Variants in KAT6B observed in about 807,000 individuals in gnomAD.
The protein encoded by KAT6B is histone acetyltransferase KAT6B.
Under a neutral mutation model 187.5 loss-of-function variants are expected in KAT6B, and 10 were observed. The ratio of observed to expected loss-of-function variants is 0.05; its 90% CI spans 0.03 to 0.09. The LOEUF is 0.09. KAT6B is among the 10% of genes least tolerant of loss of function. KAT6B has a pLI of 1.00. For synonymous variants in KAT6B, 861 were observed against 926.8 expected (o/e 0.93, Z 1.29); for missense variants, 1,952 against 2,558.9 (o/e 0.76, Z 5.12).
At chr10:74,879,090 G>A (rs1844655429) in intron 3 of KAT6B, among the ~76,000 whole-genome samples, 1 of 152,210 alleles carries the variant, frequency 6.6e-6, no homozygotes, top group African/African-American at 2.4e-5. Context: ...AGTCTGGGAT[G>A]TCAAGAAAGT....
At chr10:74,872,508 T>G (rs535280005) in intron 3 of KAT6B, among the ~76,000 whole-genome samples, 1 of 152,158 alleles carries the variant, frequency 6.6e-6, no homozygotes, top group South Asian at 2.1e-4. Context: ...CCCGAGTAGG[T>G]GGGACTACAG....
At chr10:74,858,005 T>G (rs1842923818) in intron 3 of KAT6B, among the ~76,000 whole-genome samples, 1 of 151,858 alleles carries the variant, frequency 6.6e-6, no homozygotes, top group African/African-American at 2.4e-5. Flanking sequence ...CCTGGGCGAC[T>G]GAGCAGGACT....
In KAT6B at chr10:74,843,334, T is replaced by C. The variant is rs1025323349; in HGVS notation, c.477T>C (p.Ala159=). The C allele has an allele frequency of 1.9e-6, 3 of 1,613,396 alleles. No homozygotes were observed. The East Asian group carries it at 6.7e-5, about 36-fold the overall frequency. ...QQRLRLGAKR[A]VNNGRLLKDG... ...GGCTGCGACTGGGGGCCAAACGCGC[T>C]GTGAATAATGGGAGGTTACTGAAAG... The change falls in exon 3 of 18, where the codon GCT becomes GCC. Residue 159 remains alanine, a synonymous_variant. Transcript: ENST00000287239.
intron 4 of KAT6B, among the ~76,000 whole-genome samples, chr10:74,962,962 A>G (rs923831995): frequency 6.6e-6 from 1 of 152,072 alleles, no homozygotes; most frequent in East Asian, 1.9e-4. Flanking sequence ...CCTGGGTTCC[A>G]GTTCTCTTCC....
intron 3 of KAT6B, among the ~76,000 whole-genome samples, chr10:74,934,638 T>C (rs1849113612): frequency 6.6e-6 from 1 of 152,144 alleles, no homozygotes; most frequent in African/African-American, 2.4e-5. Context: ...TCTCCCTCCA[T>C]TCATTCATTT....
intron 3 of KAT6B, among the ~76,000 whole-genome samples, chr10:74,892,464 A>G (rs1384405889): frequency 1.3e-5 from 2 of 152,194 alleles, no homozygotes; most frequent in African/African-American, 2.4e-5. Context: ...CAGTGTTACT[A>G]TAGGTGGACT....
chr10:74,865,070 C>T lies in KAT6B; in HGVS notation c.621+21592C>T, dbSNP rs112105302. Among the ~76,000 whole-genome samples, 11 of 152,222 alleles carry T rather than the reference C, an allele frequency of 7.2e-5. 1 individual carries two copies. The highest frequency in any genetic ancestry group is 2.6e-4 in the African/African-American group (11 of 41,546). On this transcript the variant is annotated intron_variant, in intron 3 of 17. Transcript: ENST00000287239. ...ACACAAACTCCCTGAGTCTCACTTA[C>T]CTTATCTGTAAAATGGGAAGGATTA...
intron 9 of KAT6B, among the ~76,000 whole-genome samples, chr10:74,978,461 C>T (rs188857098): frequency 1.6e-3 from 244 of 152,294 alleles, no homozygotes; most frequent in Non-Finnish European, 2.6e-3. Context: ...AAAAAAGATT[C>T]GAAGTCCTTA....
At chr10:74,853,446 ACTACACCCAG>A (rs1220784079) in intron 3 of KAT6B, among the ~76,000 whole-genome samples, 1 of 151,298 alleles carries the variant, frequency 6.6e-6, no homozygotes, top group Admixed American at 6.6e-5. Context: ...GGCACACACC[ACTACACCCAG>A]CTAATTTTTG....
At chr10:74,929,363 A>G (rs1281569739) in intron 3 of KAT6B, among the ~76,000 whole-genome samples, 1 of 152,200 alleles carries the variant, frequency 6.6e-6, no homozygotes, top group Non-Finnish European at 1.5e-5. Flanking sequence ...TCTACCCTGT[A>G]TTACAGATGC....
At chr10:74,937,582 T>C (rs1432346101) in intron 3 of KAT6B, among the ~76,000 whole-genome samples, 2 of 152,208 alleles carry the variant, frequency 1.3e-5, no homozygotes, top group Non-Finnish European at 2.9e-5. Context: ...TGACCTCCAT[T>C]ACTAATATTA....
chr10:74,975,234 C>T (rs933665896), intron 7 of KAT6B, among the ~76,000 whole-genome samples, 165 bp from the exon 8 acceptor site: 4 of 152,144 alleles, frequency 2.6e-5, no homozygotes, highest in African/African-American at 9.7e-5. Context: ...AATGCAGTTG[C>T]TGCTGCCTTT....
chr10:74,836,394 C>T (rs879371704), intron 1 of KAT6B, among the ~76,000 whole-genome samples: 1 of 152,224 alleles, frequency 6.6e-6, no homozygotes, highest in Non-Finnish European at 1.5e-5. Context: ...AACCGCCAAA[C>T]AGTGCTTTGC....
At chr10:74,939,116 T>G (rs1319829237) in intron 3 of KAT6B, among the ~76,000 whole-genome samples, 1 of 151,914 alleles carries the variant, frequency 6.6e-6, no homozygotes, top group Non-Finnish European at 1.5e-5. Flanking sequence ...ATCTTTTTAG[T>G]GTGAAGATGG....
intron 13 of KAT6B, among the ~76,000 whole-genome samples, chr10:75,000,627 C>G (rs1227401533): frequency 2.0e-5 from 3 of 151,836 alleles, no homozygotes; most frequent in African/African-American, 7.3e-5. Flanking sequence ...ATGGCAAGTT[C>G]GTCAGTTAAG....
chr10:75,024,862 T>G, intron 16 of KAT6B, 96 bp from the exon 17 acceptor site: 4 of 1,146,002 alleles, frequency 3.5e-6, no homozygotes. Context: ...ACGTGTAAGA[T>G]TCTCAGACAC....
Position 75,029,627 on chromosome 10 carries a change from A to G in KAT6B, c.4803A>G (p.Ser1601=). The G allele has an allele frequency of 6.2e-7, 1 of 1,614,152 alleles. No individual in the cohort carries two copies. The highest frequency in any genetic ancestry group is 1.1e-5 in the South Asian group (1 of 91,078). Residue 1601 remains serine, a synonymous_variant, in exon 18 of 18, where the codon TCA becomes TCG. Transcript: ENST00000287239. The surrounding 1 kb of genome is among the most constrained non-coding windows in gnomAD (Gnocchi z 6.2). ...AGTCGGACCACAGTAGCCCAGTTTCATCCGTCCACTCCCATCCTGGCCAGT... is the reference window on the plus strand; with the variant it reads ...AGTCGGACCACAGTAGCCCAGTTTCGTCCGTCCACTCCCATCCTGGCCAGT... ...CQQSDHSSPV[S]SVHSHPGQSV...
intron 12 of KAT6B, among the ~76,000 whole-genome samples, 162 bp downstream of exon 12, chr10:74,985,403 CAAAA>C (rs1257077420): frequency 1.3e-5 from 2 of 152,104 alleles, no homozygotes; most frequent in African/African-American, 4.8e-5. Context: ...AAGATGAAAA[CAAAA>C]AACATGGTGC....
Position 74,989,121 on chromosome 10 carries a change from A to C in KAT6B, c.2629+9A>C. On this transcript the variant is annotated intron_variant, in intron 13 of 17. Transcript: ENST00000287239. ...GTTTCTCATTGATTTCAGTAAGTGA[A>C]GTACTTTATTTACTTTCATGATCCA... 2 of 1,590,994 alleles carry C rather than the reference A, an allele frequency of 1.3e-6. No homozygotes were observed. Among genetic ancestry groups the C allele is most frequent in the Non-Finnish European group, 1.7e-6 (2 of 1,158,834 alleles).
Sources: allele counts gnomAD v4.1 joint callset (sites outside exome capture counted in the v4.1 genomes callset), GRCh38; gene constraint gnomAD v4.1.1; non-coding constraint Gnocchi (gnomAD v3.1); transcripts MANE v1.5; gene names NCBI Gene and HGNC (gene_info 2026-07-23, HGNC 2026-07-21).